The following KIAA0232 variants were observed in gnomAD, a reference collection of about 807,000 sequenced individuals.
KIAA0232 encodes uncharacterized protein KIAA0232.
KIAA0232 carries 27 observed loss-of-function variants against 122.0 expected under a neutral mutation model. That is an observed-to-expected ratio of 0.22 (90% CI 0.16 to 0.31). The LOEUF is 0.31. Ranked by LOEUF, KIAA0232 falls within the 10% of genes least tolerant of loss-of-function variation. KIAA0232 has a pLI of 1.00. For synonymous variants in KIAA0232, 613 were observed against 587.6 expected, an observed-to-expected ratio of 1.04 and a Z score of -0.63; for missense variants, 1,551 against 1,634.2, an observed-to-expected ratio of 0.95 and a Z score of 0.88.
At chr4:6,834,279 G>A (rs139048366) in intron 3 of KIAA0232, among the ~76,000 whole-genome samples, 7 of 152,104 alleles carry the variant, frequency 4.6e-5, no homozygotes, top group East Asian at 3.9e-4. Context: ...ATCTAATATC[G>A]TTACTGAGGA....
intron 7 of KIAA0232, 104 bp downstream of exon 7, chr4:6,864,287 T>A: frequency 7.9e-7 from 1 of 1,269,916 alleles, no homozygotes; most frequent in Non-Finnish European, 1.1e-6. Context: ...ATTGGGAAAT[T>A]AGCTTAAATG....
chr4:6,826,484 A>T (rs1308053793), intron 3 of KIAA0232, among the ~76,000 whole-genome samples: 1 of 151,480 alleles, frequency 6.6e-6, no homozygotes, highest in East Asian at 2.0e-4. Context: ...TATTGTAAGC[A>T]TGTACTCATA....
At chr4:6,842,629 A>G (rs1483336620) in intron 4 of KIAA0232, among the ~76,000 whole-genome samples, 1 of 148,346 alleles carries the variant, frequency 6.7e-6, no homozygotes, top group Admixed American at 6.8e-5. Context: ...TCTGTCGCCC[A>G]GGCTGGAGTG....
intron 4 of KIAA0232, among the ~76,000 whole-genome samples, chr4:6,856,503 C>T (rs139670407): frequency 2.6e-5 from 4 of 151,582 alleles, no homozygotes; most frequent in African/African-American, 7.3e-5. Flanking sequence ...TTATTTTTAC[C>T]CTCCCAAATC....
At chr4:6,813,074 G>A (rs1717947690) in intron 2 of KIAA0232, among the ~76,000 whole-genome samples, 1 of 152,038 alleles carries the variant, frequency 6.6e-6, no homozygotes, top group Non-Finnish European at 1.5e-5. Flanking sequence ...AATGCTATTA[G>A]TGCACTCTAA....
intron 2 of KIAA0232, among the ~76,000 whole-genome samples, chr4:6,813,336 T>C (rs1180275624): frequency 6.6e-6 from 1 of 151,900 alleles, no homozygotes; most frequent in African/African-American, 2.4e-5. Flanking sequence ...TATAATAATT[T>C]AAGTACTTAG....
At chr4:6,842,401 T>C (rs1300528658) in intron 4 of KIAA0232, among the ~76,000 whole-genome samples, 197 bp downstream of exon 4, 1 of 152,204 alleles carries the variant, frequency 6.6e-6, no homozygotes. Flanking sequence ...TTCTTTTATA[T>C]GTGCTACTCT....
intron 6 of KIAA0232, among the ~76,000 whole-genome samples, chr4:6,859,214 C>G (rs1000663138): frequency 9.9e-5 from 15 of 151,730 alleles, no homozygotes; most frequent in African/African-American, 3.6e-4. Context: ...CAATCCTTGA[C>G]CTGCCAAACC....
At chr4:6,806,190 G>A (rs993517915) in intron 2 of KIAA0232, among the ~76,000 whole-genome samples, 6 of 152,114 alleles carry the variant, frequency 3.9e-5, no homozygotes, top group African/African-American at 1.4e-4. Flanking sequence ...CTGCCATTTT[G>A]TAGCCCTGCT....
At chr4:6,790,274 A>G (rs1481066929) in intron 1 of KIAA0232, among the ~76,000 whole-genome samples, 2 of 151,454 alleles carry the variant, frequency 1.3e-5, no homozygotes, top group Non-Finnish European at 2.9e-5. Flanking sequence ...CCCTGGTTGA[A>G]TAGGGAGAAG....
rs183887111 is a variant in KIAA0232, at chr4:6,848,076, C to T, written c.369+5872C>T. Among the ~76,000 whole-genome samples the T allele has an allele frequency of 3.7e-3, 561 of 152,278 alleles. 4 individuals carry two copies. The highest frequency in any genetic ancestry group is 4.2e-3 in the Non-Finnish European group (283 of 68,034). The stretch of plus-strand genomic sequence containing the variant: ...TTGAAGGTAACAGCACTGCAGCTTA[C>T]CCTGGGGAGCTGACCAGTCCTATTG... On this transcript the variant is annotated intron_variant, in intron 4 of 9. Transcript: ENST00000307659.
intron 1 of KIAA0232, among the ~76,000 whole-genome samples, chr4:6,791,017 C>G (rs1023917814): frequency 6.9e-6 from 1 of 144,944 alleles, no homozygotes; most frequent in Non-Finnish European, 1.5e-5. Context: ...CTCCCGGGTT[C>G]AAGCGATTCT....
At chr4:6,790,436 C>T (rs1445596633) in intron 1 of KIAA0232, among the ~76,000 whole-genome samples, 6 of 145,908 alleles carry the variant, frequency 4.1e-5, no homozygotes, top group East Asian at 2.0e-4. Context: ...ACTCTGTCAC[C>T]GAGGCTGGAG....
intron 4 of KIAA0232, among the ~76,000 whole-genome samples, chr4:6,856,834 C>T (rs1441381740): frequency 2.0e-5 from 3 of 152,090 alleles, no homozygotes; most frequent in East Asian, 3.8e-4. Context: ...GACTTTTGGT[C>T]GTATGATGGA....
chr4:6,807,547 A>G (rs1404298893), intron 2 of KIAA0232, among the ~76,000 whole-genome samples: 2 of 152,208 alleles, frequency 1.3e-5, no homozygotes, highest in African/African-American at 4.8e-5. Flanking sequence ...AGAATGGGGA[A>G]GAAAACTGTA....
chr4:6,832,440 C>A (rs749603947), intron 3 of KIAA0232, among the ~76,000 whole-genome samples: 4 of 151,662 alleles, frequency 2.6e-5, no homozygotes, highest in Non-Finnish European at 5.9e-5. Flanking sequence ...CCTCCACCTC[C>A]CAGGTTCAAG....
At chr4:6,818,588 A>T (rs1433887634) in intron 2 of KIAA0232, among the ~76,000 whole-genome samples, 1 of 152,042 alleles carries the variant, frequency 6.6e-6, no homozygotes, top group Non-Finnish European at 1.5e-5. Context: ...ACTAATGGAA[A>T]AATATTTCAT....
Position 6,863,540 on chromosome 4 carries a change from A to C in KIAA0232, c.3158A>C (p.His1053Pro). ...AGCAATCCATTTTCACAAGTTCTTCATGTAGAATGCTCATTTGAACCTGAA... is the reference window on the plus strand; with the variant it reads ...AGCAATCCATTTTCACAAGTTCTTCCTGTAGAATGCTCATTTGAACCTGAA... ...DLSNPFSQVL[H>P]VECSFEPEGI... Residue 1053 changes from histidine to proline, a missense_variant, in exon 7 of 10, where the codon CAT (histidine) becomes CCT (proline). By Grantham distance (77) the His-to-Pro change is moderately conservative. This residue lies in a region of KIAA0232 where 1,108 missense variants were observed against 1,154.8 expected (regional missense o/e 0.96). Transcript: ENST00000307659. 1 of 1,614,170 alleles carries C rather than the reference A, an allele frequency of 6.2e-7. No homozygotes were observed. Among genetic ancestry groups the C allele is most frequent in the Non-Finnish European group, 8.5e-7 (1 of 1,180,040 alleles).
rs892044301 is a variant in KIAA0232, at chr4:6,882,032, G to A, written c.*1066G>A. 2 of 152,640 alleles carry A rather than the reference G, an allele frequency of 1.3e-5. No homozygotes were observed. The highest frequency in any genetic ancestry group is 4.8e-5 in the African/African-American group (2 of 41,436). The allele number at this position is 152,640 out of a possible 1,614,324, so 9.5% of individuals were successfully genotyped here. ...AGTCATGAGTTTTCCACATCCCTGT[G>A]TGGTGGTTTTGCTGACTGTCGCTCC... is the stretch of plus-strand genomic sequence containing the variant. On this transcript the variant is annotated 3_prime_UTR_variant, in exon 10 of 10. Coordinates refer to ENST00000307659, the MANE Select transcript of KIAA0232 (RefSeq NM_014743.3).
Sources: gnomAD v4.1 joint callset for allele counts (sites outside exome capture counted in the v4.1 genomes callset) on GRCh38, gnomAD v4.1.1 for gene constraint, gnomAD v4.1.1 regional missense constraint, MANE v1.5 for transcripts, NCBI Gene and HGNC (gene_info 2026-07-23, HGNC 2026-07-21) for gene names.